DUX4: variants seen among roughly 807,000 people sequenced by gnomAD.
The protein encoded by DUX4 is double homeobox protein 4.
chr4:190,177,468 CT>C (rs1742369133), downstream of DUX4, among the ~76,000 whole-genome samples: 1 of 140,052 alleles, frequency 7.1e-6, no homozygotes, highest in African/African-American at 2.6e-5. Context: ...ACAAAGCCCC[CT>C]GTAGACAAAT....
downstream of DUX4, among the ~76,000 whole-genome samples, chr4:190,177,927 G>A (rs2126570719): frequency 0.019 from 2,106 of 112,744 alleles, no homozygotes; most frequent in East Asian, 0.031. Flanking sequence ...TCAGTGTGGA[G>A]ATATGTCACA....
At chr4:190,176,752 G>A (rs1307016515), downstream of DUX4, among the ~76,000 whole-genome samples, 1 of 127,334 alleles carries the variant, frequency 7.9e-6, no homozygotes, top group Non-Finnish European at 1.8e-5. Flanking sequence ...TCACCTGGGT[G>A]ATCAGTGCAG....
chr4:190,176,073 C>G (rs1472351795), downstream of DUX4, among the ~76,000 whole-genome samples: 4 of 111,824 alleles, frequency 3.6e-5, 1 homozygote, highest in Non-Finnish European at 8.4e-5. Flanking sequence ...ACCTAGTGAT[C>G]AGTGCAGGGA....
chr4:190,183,764 G>C (rs1398710715), intron 1 of DUX4, among the ~76,000 whole-genome samples: 3 of 116,286 alleles, frequency 2.6e-5, no homozygotes. Context: ...GAATGGCAGA[G>C]ATCTACAGAT....
At chr4:190,176,341 G>A (rs1440541965), downstream of DUX4, among the ~76,000 whole-genome samples, 2 of 114,650 alleles carry the variant, frequency 1.7e-5, no homozygotes, top group Admixed American at 1.1e-4. Flanking sequence ...ACATCACCTG[G>A]GTGATCAGTG....
chr4:190,177,811 T>G (rs1742387551), downstream of DUX4, among the ~76,000 whole-genome samples: 117 of 151,102 alleles, frequency 7.7e-4, no homozygotes, highest in East Asian at 1.4e-3. Context: ...ATGCCCCCTT[T>G]TGGCAGAGCC....
At chr4:190,177,482 C>A (rs1742369928), downstream of DUX4, among the ~76,000 whole-genome samples, 358 of 66,704 alleles carry the variant, frequency 5.4e-3, no homozygotes, top group Non-Finnish European at 6.7e-3. Context: ...AGACAAATCC[C>A]AGAAAATTGT....
At chr4:190,176,410 G>T (rs1418133189), downstream of DUX4, among the ~76,000 whole-genome samples, 1,146 of 107,956 alleles carry the variant, frequency 0.011, 370 homozygotes, top group Admixed American at 0.029. Flanking sequence ...CATCACCTTG[G>T]GGATCAGTGC....
At chr4:190,175,625 T>C (rs1742255207) in intron 1 of DUX4, 22 bp from the exon 2 acceptor site, 1 of 165,190 alleles carries the variant, frequency 6.1e-6, no homozygotes, top group African/African-American at 2.6e-5. Flanking sequence ...CCTCTGTCTG[T>C]CTTTGCCCGC....
intron 1 of DUX4, among the ~76,000 whole-genome samples, chr4:190,181,339 GCAAAGAT>G (rs1742565835): frequency 0.068 from 21 of 310 alleles, no homozygotes; most frequent in East Asian, 0.12. Flanking sequence ...GGTGATCTCT[GCAAAGAT>G]ATGCCACAAT....
chr4:190,181,704 A>AG (rs1742590807), intron 1 of DUX4, among the ~76,000 whole-genome samples: 1 of 16,054 alleles, frequency 6.2e-5, no homozygotes, highest in African/African-American at 1.5e-4. Flanking sequence ...CAATGCCCCC[A>AG]TAGGCAGATC....
At chr4:190,180,010 T>TTC (rs1742525168), downstream of DUX4, among the ~76,000 whole-genome samples, 2 of 90,402 alleles carry the variant, frequency 2.2e-5, no homozygotes, top group African/African-American at 9.8e-5. Flanking sequence ...GAGCTTAAAC[T>TTC]AGAGTTACAT....
In DUX4 at chr4:190,181,335, C is replaced by CCAAGACAAGAG. The variant is rs1742565501; in HGVS notation, n.93-4006_93-4005insCAAGACAAGAG. On this transcript the variant is annotated intron_variant and non_coding_transcript_variant, in intron 1 of 2. Transcript: ENST00000563716. ...AGAAGAGTCCCATCCCCTGGGTGAT[C>CCAAGACAAGAG]TCTGCAAAGATATGCCACAATGCCC... Among the ~76,000 whole-genome samples, 2 of 626 alleles carry CCAAGACAAGAG rather than the reference C, an allele frequency of 3.2e-3. 1 individual carries two copies. The highest frequency in any genetic ancestry group is 7.4e-3 in the Non-Finnish European group (2 of 272). 0.4% of individuals were successfully genotyped at this position (626 alleles called of 152,430 possible). A position where few individuals can be genotyped will look rare whatever the true frequency, so the allele number is the denominator to read the frequency against.
chr4:190,180,139 C>T (rs1579836579), downstream of DUX4, among the ~76,000 whole-genome samples: 7 of 115,576 alleles, frequency 6.1e-5, no homozygotes, highest in African/African-American at 1.3e-4. Flanking sequence ...GTAGGCAGAG[C>T]CTAGAGAAGA....
intron 1 of DUX4, among the ~76,000 whole-genome samples, chr4:190,181,463 T>A (rs1553983647): frequency 3.7e-3 from 493 of 133,742 alleles, no homozygotes; most frequent in East Asian, 4.5e-3. Flanking sequence ...TTACATCACC[T>A]AGATGATCAG....
At chr4:190,180,154 C>A (rs1263138530), downstream of DUX4, among the ~76,000 whole-genome samples, 1 of 67,498 alleles carries the variant, frequency 1.5e-5, no homozygotes, top group Non-Finnish European at 2.9e-5. Context: ...AGAAGAGTCC[C>A]ATCACCTGGG....
At chr4:190,180,042 GATATGTCACATTGCCCCCATAGGCGAA>G (rs1742527260), downstream of DUX4, among the ~76,000 whole-genome samples, 1 of 133,376 alleles carries the variant, frequency 7.5e-6, no homozygotes, top group African/African-American at 3.2e-5. Context: ...TCAGTGCAGA[GATATGTCACATTGCCCCCATAGGCGAA>G]TCCAAGACAA....
chr4:190,178,864 T>TGA (rs1742457877), downstream of DUX4, among the ~76,000 whole-genome samples: 68 of 139,920 alleles, frequency 4.9e-4, no homozygotes, highest in East Asian at 2.0e-3. Flanking sequence ...AACAGTTACA[T>TGA]CACCTGGGTG....
chr4:190,177,186 A>AAACGCCCCTGT (rs1742348669), downstream of DUX4, among the ~76,000 whole-genome samples: 1 of 150,482 alleles, frequency 6.6e-6, no homozygotes, highest in Non-Finnish European at 1.5e-5. Context: ...AGCTATGTCA[A>AAACGCCCCTGT]AACGCCCCTG....
Sources: allele counts gnomAD v4.1 joint callset (sites outside exome capture counted in the v4.1 genomes callset), GRCh38; gene constraint gnomAD v4.1.1; transcripts MANE v1.5; gene names NCBI Gene and HGNC (gene_info 2026-07-23, HGNC 2026-07-21).